Variants in C10orf143 observed in about 807,000 individuals in gnomAD.
The protein encoded by C10orf143 is uncharacterized protein C10orf143.
chr10:130,073,198 G>A (rs566713397), intron 3 of C10orf143, among the ~76,000 whole-genome samples: 8 of 152,182 alleles, frequency 5.3e-5, no homozygotes, highest in Non-Finnish European at 8.8e-5. Context: ...CTGGGTGGTG[G>A]AGGCATGCCT....
intron 3 of C10orf143, among the ~76,000 whole-genome samples, chr10:130,049,927 G>A (rs1590004965): frequency 6.6e-6 from 1 of 152,176 alleles, no homozygotes; most frequent in East Asian, 1.9e-4. Flanking sequence ...AGAATCAAAG[G>A]AGAGAAAGAG....
intron 3 of C10orf143, among the ~76,000 whole-genome samples, chr10:130,057,620 G>A (rs866787122): frequency 7.3e-6 from 1 of 137,886 alleles, no homozygotes; most frequent in Non-Finnish European, 1.6e-5. Flanking sequence ...GCCTCTCCAC[G>A]AGGCCTGTGA....
At chr10:130,098,193 C>T (rs978266262) in intron 1 of C10orf143, among the ~76,000 whole-genome samples, 1 of 151,982 alleles carries the variant, frequency 6.6e-6, no homozygotes, top group Non-Finnish European at 1.5e-5. Context: ...CATGGTGGCA[C>T]GTGCCTGTAA....
intron 3 of C10orf143, among the ~76,000 whole-genome samples, chr10:130,051,385 G>A (rs12776116): frequency 4.2e-5 from 2 of 47,708 alleles, no homozygotes; most frequent in South Asian, 1.2e-3. Context: ...TCCCTCTCCC[G>A]CCCCCACCTA....
downstream of C10orf143, among the ~76,000 whole-genome samples, chr10:130,063,145 A>C (rs1326332473): frequency 6.6e-6 from 1 of 152,200 alleles, no homozygotes; most frequent in Non-Finnish European, 1.5e-5. Flanking sequence ...TACAAAAGCC[A>C]GCTTCGTATG....
intron 1 of C10orf143, chr10:130,107,298 A>G: frequency 9.0e-7 from 1 of 1,116,302 alleles, no homozygotes; most frequent in Non-Finnish European, 1.4e-6. Context: ...GTAGACAAAA[A>G]GATCAGCCAT....
At chr10:130,068,582 G>A (rs1860977869) in intron 3 of C10orf143, 1 of 131,502 alleles carries the variant, frequency 7.6e-6, no homozygotes, top group African/African-American at 2.9e-5. Context: ...TTGCACTCCA[G>A]CGTGGGCAAC....
intron 1 of C10orf143, chr10:130,106,129 A>G (rs1450414182): frequency 2.8e-6 from 2 of 719,174 alleles, no homozygotes; most frequent in Non-Finnish European, 4.9e-6. Flanking sequence ...CGCTGCCTGA[A>G]AGTATGAGAC....
In C10orf143 at chr10:130,108,325, C is replaced by T. The variant is rs761468295; in HGVS notation, c.69+2379G>A. On this transcript the variant is annotated intron_variant, in intron 1 of 3. Coordinates refer to ENST00000637128, the MANE Select transcript of C10orf143 (RefSeq NM_001355042.2). ...ATCCACCGAGGGGTTTTCCTCCTTACCCTCCCCCAAGACCTGGATTTTTCC... is the reference window on the plus strand; with the variant it reads ...ATCCACCGAGGGGTTTTCCTCCTTATCCTCCCCCAAGACCTGGATTTTTCC... The T allele has an allele frequency of 4.6e-6, 7 of 1,524,694 alleles. No individual in the cohort carries two copies. In the East Asian group the frequency reaches 6.8e-5, roughly 15 times the overall value. 94.4% of individuals were successfully genotyped at this position (1,524,694 alleles called of 1,614,324 possible). A position where few individuals can be genotyped will look rare whatever the true frequency, so the allele number is the denominator to read the frequency against.
At chr10:130,080,103 T>C (rs1307227911) in intron 1 of C10orf143, among the ~76,000 whole-genome samples, 1 of 152,256 alleles carries the variant, frequency 6.6e-6, no homozygotes, top group Non-Finnish European at 1.5e-5. Context: ...ATTTCTTGCA[T>C]TGCCTGATAT....
intron 3 of C10orf143, among the ~76,000 whole-genome samples, chr10:130,071,575 G>A (rs1425206229): frequency 6.6e-6 from 1 of 152,056 alleles, no homozygotes; most frequent in Non-Finnish European, 1.5e-5. Context: ...GCTTTTCTTA[G>A]ACAATGATGA....
At chr10:130,063,477 G>A (rs1016641407), downstream of C10orf143, among the ~76,000 whole-genome samples, 1 of 152,194 alleles carries the variant, frequency 6.6e-6, no homozygotes, top group African/African-American at 2.4e-5. Flanking sequence ...ATCTTACCCA[G>A]GCTTAATGAA....
intron 3 of C10orf143, among the ~76,000 whole-genome samples, chr10:130,045,720 A>T (rs541587773): frequency 6.6e-6 from 1 of 152,372 alleles, no homozygotes; most frequent in East Asian, 1.9e-4. Context: ...CGACTCAGAA[A>T]GTCACAGCCA....
intron 3 of C10orf143, among the ~76,000 whole-genome samples, chr10:130,039,946 C>A (rs1325319122): frequency 6.6e-6 from 1 of 152,196 alleles, no homozygotes; most frequent in Non-Finnish European, 1.5e-5. Context: ...GGATAAGAAA[C>A]TGGCCAGCCT....
At chr10:130,096,005 C>G (rs1185029971) in intron 1 of C10orf143, among the ~76,000 whole-genome samples, 1 of 152,088 alleles carries the variant, frequency 6.6e-6, no homozygotes, top group Non-Finnish European at 1.5e-5. Context: ...AGTGAACAGG[C>G]AACCTACAGA....
rs1860915544 is a variant in C10orf143 at position 130,065,443 on chromosome 10, A to AGTACAAGG, written c.298-1068_298-1061dup. ...AAGGTATACCTCAAGCAGTAAGCAC[A>AGTACAAGG]GTACAAGGTCAGACTGTTCCAGGAT... is the stretch of plus-strand genomic sequence containing the variant. On this transcript the variant is annotated intron_variant, in intron 3 of 3. Coordinates refer to ENST00000637128, the MANE Select transcript of C10orf143 (RefSeq NM_001355042.2). This position sits in a 1 kb window ranked among gnomAD's most constrained non-coding sequence, Gnocchi z 4.2. 6.6e-6 allele frequency: 1 copy of AGTACAAGG among 152,278 alleles called. No homozygotes were observed. The highest frequency in any genetic ancestry group is 2.4e-5 in the African/African-American group (1 of 41,402). 9.4% of individuals were successfully genotyped at this position (152,278 alleles called of 1,614,324 possible). A position where few individuals can be genotyped will look rare whatever the true frequency, so the allele number is the denominator to read the frequency against.
At chr10:130,041,005 C>T (rs564276109) in intron 3 of C10orf143, among the ~76,000 whole-genome samples, 3 of 152,208 alleles carry the variant, frequency 2.0e-5, no homozygotes, top group East Asian at 1.9e-4. Context: ...CCCCCGCCAC[C>T]GGCACTCCCA....
In C10orf143 at chr10:130,079,557, T is replaced by C. The variant is rs1861171284; in HGVS notation, c.297+9A>G. ...TTTTATGTCACAGCAAGAAGGTTAA[T>C]GCACTTACAGATTCCCCTGCAATAC... On this transcript the variant is annotated intron_variant, in intron 3 of 3. Transcript: ENST00000637128. The C allele has an allele frequency of 2.5e-6, 1 of 399,094 alleles. No homozygotes were observed. The highest frequency in any genetic ancestry group is 4.4e-6 in the Non-Finnish European group (1 of 226,074). 24.7% of individuals were successfully genotyped at this position (399,094 alleles called of 1,614,324 possible). A position where few individuals can be genotyped will look rare whatever the true frequency, so the allele number is the denominator to read the frequency against.
At chr10:130,105,640 G>C (rs899994551) in intron 1 of C10orf143, among the ~76,000 whole-genome samples, 2 of 152,170 alleles carry the variant, frequency 1.3e-5, no homozygotes, top group Non-Finnish European at 2.9e-5. Flanking sequence ...TAAGGCAAGA[G>C]AATCGCTTCA....
Sources: gnomAD v4.1 joint callset for allele counts (sites outside exome capture counted in the v4.1 genomes callset) on GRCh38, gnomAD v4.1.1 for gene constraint, Gnocchi (gnomAD v3.1) non-coding constraint, MANE v1.5 for transcripts, NCBI Gene and HGNC (gene_info 2026-07-23, HGNC 2026-07-21) for gene names.